Variants in LOXL2 observed in about 807,000 individuals in gnomAD.
The protein encoded by LOXL2 is lysyl oxidase like 2, also known as lysyl oxidase homolog 2.
LOXL2 carries 70 observed loss-of-function variants against 93.0 expected under a neutral mutation model. The ratio of observed to expected loss-of-function variants is 0.75; its 90% CI spans 0.62 to 0.92. LOXL2 has a LOEUF of 0.92. LOXL2 is among the 40% of genes least tolerant of loss of function. The pLI, the probability that LOXL2 is intolerant of heterozygous loss-of-function variation, is 0.00. For synonymous variants in LOXL2, 438 were observed against 413.2 expected, an observed-to-expected ratio of 1.06 and a Z score of -0.73; for missense variants, 973 against 1,054.9, an observed-to-expected ratio of 0.92 and a Z score of 1.08.
chr8:23,319,632 A>G (rs1293017628), intron 8 of LOXL2, among the ~76,000 whole-genome samples: 1 of 152,130 alleles, frequency 6.6e-6, no homozygotes, highest in African/African-American at 2.4e-5. Flanking sequence ...GTGGACCATG[A>G]AAAGCAGAGC....
chr8:23,339,565 C>G (rs1364915442), intron 4 of LOXL2, among the ~76,000 whole-genome samples: 1 of 152,210 alleles, frequency 6.6e-6, no homozygotes, highest in Admixed American at 6.5e-5. Flanking sequence ...CTGAACAAGG[C>G]GCGTGCTGTC....
Position 23,360,108 on chromosome 8 carries a change from C to G in LOXL2, c.513G>C (p.Ser171=), listed in dbSNP as rs758613907. ...GACTTGCCTCTATCTGGTTGATCAACGAATTGTCAAATTTGAACCCAGGAA... is the reference window on the plus strand; with the variant it reads ...GACTTGCCTCTATCTGGTTGATCAAGGAATTGTCAAATTTGAACCCAGGAA... ...KRIPGFKFDN[S]LINQIENLNI... is the part of the protein sequence containing the mutation. The change falls in exon 3 of 14, where the codon TCG becomes TCC. Residue 171 remains serine, a synonymous_variant. Transcript: ENST00000389131. 27 of 1,604,550 alleles carry G rather than the reference C, an allele frequency of 1.7e-5. No homozygotes were observed. The highest frequency in any genetic ancestry group is 2.2e-5 in the Non-Finnish European group (26 of 1,171,682).
intron 1 of LOXL2, among the ~76,000 whole-genome samples, chr8:23,389,510 C>T (rs1804809964): frequency 6.6e-6 from 1 of 152,194 alleles, no homozygotes; most frequent in African/African-American, 2.4e-5. Context: ...TGACACTTGA[C>T]CTTGTGGCAC....
chr8:23,380,407 A>AAAAAAAAAAAGC (rs1554483369), intron 1 of LOXL2, among the ~76,000 whole-genome samples: 10 of 31,576 alleles, frequency 3.2e-4, no homozygotes, highest in African/African-American at 1.7e-3. Context: ...AAAAAAAAAA[A>AAAAAAAAAAAGC]AAAAGACATC....
intron 1 of LOXL2, chr8:23,382,516 C>CAAAAAAA (rs536496140): frequency 5.2e-5 from 3 of 58,204 alleles, no homozygotes; most frequent in Non-Finnish European, 1.1e-4. Flanking sequence ...GACTCCATCT[C>CAAAAAAA]AAAAAAAAAA....
intron 3 of LOXL2, among the ~76,000 whole-genome samples, chr8:23,348,486 T>C (rs1238815748): frequency 6.6e-6 from 1 of 152,006 alleles, no homozygotes; most frequent in Non-Finnish European, 1.5e-5. Context: ...GAGAATCACT[T>C]GAGCCCAGGA....
chr8:23,314,818 AT>A, intron 9 of LOXL2, among the ~76,000 whole-genome samples: 1 of 64,700 alleles, frequency 1.5e-5, no homozygotes, highest in Non-Finnish European at 2.8e-5. Context: ...AAATACATAA[AT>A]AAAACGAAAA....
intron 2 of LOXL2, chr8:23,365,453 G>A (rs1166712531): frequency 2.0e-5 from 3 of 151,018 alleles, no homozygotes; most frequent in East Asian, 3.9e-4. Context: ...GGTCTCTCAT[G>A]TCATAAACGA....
At chr8:23,382,585 G>A (rs1804695796) in intron 1 of LOXL2, 1 of 151,456 alleles carries the variant, frequency 6.6e-6, no homozygotes, top group African/African-American at 2.4e-5. Flanking sequence ...GAAACTTTCT[G>A]ACTTTATCCT....
At chr8:23,303,220 C>G in intron 11 of LOXL2, 62 bp downstream of exon 11, 1 of 1,015,468 alleles carries the variant, frequency 9.8e-7, no homozygotes, top group South Asian at 1.3e-5. Context: ...GCCAGGTGAT[C>G]GTGGAGGCAG....
At chr8:23,346,137 T>TAATAAAAATAAAA (rs879817966) in intron 3 of LOXL2, among the ~76,000 whole-genome samples, 20,094 of 75,412 alleles carry the variant, frequency 0.27, 1,806 homozygotes, top group Admixed American at 0.35. Flanking sequence ...TAAAATAAAA[T>TAATAAAAATAAAA]AAAATAAATA....
chr8:23,359,641 CTG>C (rs1224173297), intron 3 of LOXL2, among the ~76,000 whole-genome samples: 4 of 152,328 alleles, frequency 2.6e-5, no homozygotes, highest in African/African-American at 7.2e-5. Context: ...CTCTCACAAA[CTG>C]TGCAAGATAA....
At chr8:23,349,464 TA>T (rs1804054519) in intron 3 of LOXL2, among the ~76,000 whole-genome samples, 1 of 152,232 alleles carries the variant, frequency 6.6e-6, no homozygotes, top group East Asian at 1.9e-4. Context: ...TGTGAGACCC[TA>T]AAAGGACAGA....
At chr8:23,326,516 G>A (rs1563190948) in intron 6 of LOXL2, among the ~76,000 whole-genome samples, 2 of 152,176 alleles carry the variant, frequency 1.3e-5, no homozygotes, top group Non-Finnish European at 2.9e-5. Context: ...CACTTTGGGA[G>A]ACCGAGGTGG....
chr8:23,394,460 T>C (rs1800062220), intron 1 of LOXL2, among the ~76,000 whole-genome samples: 1 of 149,542 alleles, frequency 6.7e-6, no homozygotes, highest in Non-Finnish European at 1.5e-5. Flanking sequence ...AAATAGACAC[T>C]TCCCCAAAGA....
At chr8:23,398,940 C>T (rs1404301334) in intron 1 of LOXL2, among the ~76,000 whole-genome samples, 1 of 152,178 alleles carries the variant, frequency 6.6e-6, no homozygotes, top group Non-Finnish European at 1.5e-5. Flanking sequence ...AGAGGTGCTC[C>T]CTGCTGAGCA....
chr8:23,343,977 G>A lies in LOXL2; in HGVS notation c.532-2774C>T, dbSNP rs117813273. Among the ~76,000 whole-genome samples the A allele has an allele frequency of 2.2e-3, 335 of 152,342 alleles. 14 individuals carry two copies. In the East Asian group the frequency reaches 0.054, roughly 25 times the overall value. Reference sequence around the variant, plus strand: ...TGCACTTCACAGGGCAGGCGGCCCGGGCTGACCTTCAGTTCACAGATCCTT... The same window carrying A: ...TGCACTTCACAGGGCAGGCGGCCCGAGCTGACCTTCAGTTCACAGATCCTT... On this transcript the variant is annotated intron_variant, in intron 3 of 13. Coordinates refer to ENST00000389131, the MANE Select transcript of LOXL2 (RefSeq NM_002318.3).
At position 23,350,603 on chromosome 8, in the gene LOXL2, G is replaced by A. The variant is rs567025970; in HGVS notation, c.532-9400C>T. On this transcript the variant is annotated intron_variant, in intron 3 of 13. Coordinates refer to ENST00000389131, the MANE Select transcript of LOXL2 (RefSeq NM_002318.3). ...AATAAGCTGCTGGTAACATTCTTTA[G>A]CCTGTGACTTCTTGATGGAAGAAAG... Among the ~76,000 whole-genome samples the A allele has an allele frequency of 5.3e-5, 8 of 152,086 alleles. No homozygotes were observed. In the South Asian group the frequency reaches 1.7e-3, roughly 32 times the overall value.
intron 6 of LOXL2, among the ~76,000 whole-genome samples, chr8:23,323,233 C>G (rs978003866): frequency 6.6e-6 from 1 of 152,240 alleles, no homozygotes; most frequent in Non-Finnish European, 1.5e-5. Flanking sequence ...TGACAAGGCA[C>G]CGATCCTAAT....
Sources: allele counts gnomAD v4.1 joint callset (sites outside exome capture counted in the v4.1 genomes callset), GRCh38; gene constraint gnomAD v4.1.1; transcripts MANE v1.5; gene names NCBI Gene and HGNC (gene_info 2026-07-23, HGNC 2026-07-21).